STN1: variants seen among roughly 807,000 people sequenced by gnomAD.
STN1 encodes STN1 subunit of CST complex.
STN1 carries 29 observed loss-of-function variants against 45.5 expected under a neutral mutation model. That is an observed-to-expected ratio of 0.64 (90% CI 0.47 to 0.87). The LOEUF (loss-of-function observed/expected upper bound fraction) is 0.87, where lower values mean the gene tolerates loss of function less well. Among genes scored for constraint, STN1 ranks in the 40% least tolerant of loss-of-function variants. The probability of loss-of-function intolerance (pLI) is 0.00; values close to 1 mark genes in which losing one functional copy is unlikely to be tolerated. For synonymous variants in STN1, 148 were observed against 159.0 expected, an observed-to-expected ratio of 0.93 and a Z score of 0.52; for missense variants, 376 against 441.4, an observed-to-expected ratio of 0.85 and a Z score of 1.33.
chr10:103,882,479 A>T lies in STN1; in HGVS notation c.*205T>A. On this transcript the variant is annotated 3_prime_UTR_variant, in exon 10 of 10. Coordinates refer to ENST00000224950, the MANE Select transcript of STN1 (RefSeq NM_024928.5). ...CTTGTTGTGTCATGGCTGAGATCAA[A>T]GTCATTGTACACCAAGGACATAGTG... The T allele has an allele frequency of 2.0e-6, 1 of 509,384 alleles. No homozygotes were observed. The highest frequency in any genetic ancestry group is 3.3e-5 in the South Asian group (1 of 30,724). The allele number at this position is 509,384 out of a possible 1,614,324, so 31.6% of individuals were successfully genotyped here. A position where few individuals can be genotyped will look rare whatever the true frequency, so the allele number is the denominator to read the frequency against.
Position 103,880,058 on chromosome 10 carries a change from T to C in STN1, c.*2626A>G, listed in dbSNP as rs981969261. Among the ~76,000 whole-genome samples the C allele has an allele frequency of 2.0e-5, 3 of 152,232 alleles. No homozygotes were observed. Among genetic ancestry groups the C allele is most frequent in the African/African-American group, 4.8e-5 (2 of 41,480 alleles). Reference sequence around the variant, plus strand: ...AGACGGCCCGCCCACTTCACCCGCCTGGGCCAAGTATGGCTTCCACACTGG... The same window carrying C: ...AGACGGCCCGCCCACTTCACCCGCCCGGGCCAAGTATGGCTTCCACACTGG... On this transcript the variant is annotated 3_prime_UTR_variant, in exon 10 of 10. Coordinates refer to ENST00000224950, the MANE Select transcript of STN1 (RefSeq NM_024928.5).
intron 8 of STN1, 126 bp downstream of exon 8, chr10:103,892,004 C>A: frequency 1.2e-6 from 1 of 813,888 alleles, no homozygotes. Context: ...TAAGGGCCAA[C>A]TTTCACTTCT....
At chr10:103,900,730 A>ACTCT (rs71019699) in intron 4 of STN1, among the ~76,000 whole-genome samples, 90,871 of 146,064 alleles carry the variant, frequency 0.62, 28,749 homozygotes, top group South Asian at 0.83. Context: ...ACACACACAC[A>ACTCT]CTCTCTCTCT....
intron 3 of STN1, among the ~76,000 whole-genome samples, chr10:103,909,462 A>ATATATATGTATATATG (rs1363009844): frequency 9.7e-6 from 1 of 102,732 alleles, no homozygotes; most frequent in African/African-American, 4.1e-5. Context: ...GTATATATGT[A>ATATATATGTATATATG]TATATATGTA....
Position 103,892,148 on chromosome 10 carries a change from A to G in STN1, c.858T>C (p.Gly286=). The stretch of plus-strand genomic sequence containing the variant: ...GTCTTACATAGTATAGGTTATCAAA[A>G]CCATCATCTTTCTGGAAAACAAGTC... ...EKGLVFQKDD[G]FDNLYYVTRE... Residue 286 remains glycine (G), a synonymous_variant, in exon 8 of 10, where the codon GGT becomes GGC. Transcript: ENST00000224950. 1 of 1,610,360 alleles carries G rather than the reference A, an allele frequency of 6.2e-7. No individual in the cohort carries two copies. Among genetic ancestry groups the G allele is most frequent in the Non-Finnish European group, 8.5e-7 (1 of 1,178,994 alleles).
chr10:103,889,378 C>A (rs1367286222), intron 8 of STN1, among the ~76,000 whole-genome samples: 2 of 152,038 alleles, frequency 1.3e-5, no homozygotes, highest in Non-Finnish European at 2.9e-5. Context: ...AAAAAAAAAG[C>A]TGGAATTGCA....
Position 103,900,206 on chromosome 10 carries a change from T to G in STN1, c.313A>C (p.Arg105=). 1.2e-6 allele frequency: 2 copies of G among 1,614,134 alleles called. No homozygotes were observed. The highest frequency in any genetic ancestry group is 1.7e-6 in the Non-Finnish European group (2 of 1,180,004). ...AGTTGTGAGGTTAAGCTGAGCTCTCTTGCTGCACTTGGAGCAGCTGTAGTT... is the reference window on the plus strand; with the variant it reads ...AGTTGTGAGGTTAAGCTGAGCTCTCGTGCTGCACTTGGAGCAGCTGTAGTT... ...ESVSAAPSAA[R]ELSLTSQLKK... is the part of the protein sequence containing the mutation. The change falls in exon 5 of 10, where the codon AGA becomes CGA. Residue 105 remains arginine, a synonymous_variant. Coordinates refer to ENST00000224950, the MANE Select transcript of STN1 (RefSeq NM_024928.5).
chr10:103,895,731 T>A (rs537168470), intron 7 of STN1, among the ~76,000 whole-genome samples: 137 of 152,340 alleles, frequency 9.0e-4, no homozygotes, highest in Middle Eastern at 6.8e-3. Context: ...GAAGTCAGGA[T>A]GTGACTCAGT....
At chr10:103,890,138 GAGGAAGAA>G (rs1304615373) in intron 8 of STN1, among the ~76,000 whole-genome samples, 3 of 152,184 alleles carry the variant, frequency 2.0e-5, no homozygotes, top group Non-Finnish European at 4.4e-5. Context: ...GAAAAAGAGA[GAGGAAGAA>G]AGGAAGAAAG....
rs897076341 is a variant in STN1, at chr10:103,880,349, T to C, written c.*2335A>G. ...TTAAGGCGTTATTCAGAAAGAACAA[T>C]TGGGAAAGGGTGGGCAAACAGGAAC... On this transcript the variant is annotated 3_prime_UTR_variant, in exon 10 of 10. Coordinates refer to ENST00000224950, the MANE Select transcript of STN1 (RefSeq NM_024928.5). 9.9e-5 allele frequency among the ~76,000 whole-genome samples: 15 copies of C among 152,238 alleles called. No individual in the cohort carries two copies. Among genetic ancestry groups the C allele is most frequent in the Middle Eastern group, 3.4e-3 (1 of 294 alleles).
At chr10:103,914,357 TATATATATATATA>T (rs752545209) in intron 2 of STN1, among the ~76,000 whole-genome samples, 34,605 of 75,910 alleles carry the variant, frequency 0.46, 8,012 homozygotes, top group East Asian at 0.62. Context: ...TATATATATA[TATATATATATATA>T]TATATTTTTT....
At chr10:103,909,276 G>A (rs1236170457) in intron 3 of STN1, among the ~76,000 whole-genome samples, 2 of 148,172 alleles carry the variant, frequency 1.3e-5, no homozygotes, top group Non-Finnish European at 3.0e-5. Context: ...GAGAAAAAAA[G>A]GACCAATATC....
chr10:103,905,670 C>G (rs1843235844), intron 3 of STN1, among the ~76,000 whole-genome samples: 1 of 152,156 alleles, frequency 6.6e-6, no homozygotes, highest in Non-Finnish European at 1.5e-5. Flanking sequence ...AGTCATCTGG[C>G]CTGGGTTTCT....
At chr10:103,886,548 A>C (rs181677126) in intron 9 of STN1, among the ~76,000 whole-genome samples, 2 of 152,198 alleles carry the variant, frequency 1.3e-5, no homozygotes, top group African/African-American at 4.8e-5. Context: ...TTACTCCAAC[A>C]ATAATACAGC....
In STN1 at chr10:103,880,901, G is replaced by C. The variant is rs562588136; in HGVS notation, c.*1783C>G. ...TGTGTGTGTGTATATATATATATAT[G>C]TACATGTGCTACATTTATAAAGACC... On this transcript the variant is annotated 3_prime_UTR_variant, in exon 10 of 10. Coordinates refer to ENST00000224950, the MANE Select transcript of STN1 (RefSeq NM_024928.5). Among the ~76,000 whole-genome samples the C allele has an allele frequency of 6.6e-6, 1 of 151,896 alleles. No individual in the cohort carries two copies. Among genetic ancestry groups the C allele is most frequent in the African/African-American group, 2.4e-5 (1 of 41,320 alleles).
chr10:103,890,798 A>T (rs1271596015), intron 8 of STN1, among the ~76,000 whole-genome samples: 1 of 152,238 alleles, frequency 6.6e-6, no homozygotes, highest in Non-Finnish European at 1.5e-5. Flanking sequence ...AGGAAATGTC[A>T]TATTAAGAAA....
At chr10:103,900,038 T>C in intron 5 of STN1, 24 bp downstream of exon 5, 1 of 1,606,488 alleles carries the variant, frequency 6.2e-7, no homozygotes, top group South Asian at 1.1e-5. Context: ...AACCACCAAT[T>C]TGGTAGAAAT....
chr10:103,900,693 CTG>C (rs1843203221), intron 4 of STN1, among the ~76,000 whole-genome samples: 1 of 80,164 alleles, frequency 1.2e-5, no homozygotes, highest in East Asian at 1.1e-3. Flanking sequence ...GCTAATCTCT[CTG>C]TCTCTCTCTC....
chr10:103,885,159 C>A (rs1330886182), intron 9 of STN1, among the ~76,000 whole-genome samples: 20 of 152,194 alleles, frequency 1.3e-4, no homozygotes, highest in Admixed American at 1.3e-3. Context: ...TGATTTGGTT[C>A]ATCATATCCG....
Sources: allele counts gnomAD v4.1 joint callset (sites outside exome capture counted in the v4.1 genomes callset), GRCh38; gene constraint gnomAD v4.1.1; transcripts MANE v1.5; gene names NCBI Gene and HGNC (gene_info 2026-07-23, HGNC 2026-07-21).